Variants in FRMD4B observed in about 807,000 individuals in gnomAD.
FRMD4B encodes the protein FERM domain containing 4B, also known as FERM domain-containing protein 4B.
A neutral mutation model predicts 141.5 loss-of-function variants in FRMD4B; 74 were observed. That is an observed-to-expected ratio of 0.52 (90% CI 0.43 to 0.63). FRMD4B has a LOEUF of 0.63. FRMD4B is among the 30% of genes least tolerant of loss of function. The pLI, the probability that FRMD4B is intolerant of heterozygous loss-of-function variation, is 0.00. For synonymous variants in FRMD4B, 506 were observed against 467.9 expected (o/e 1.08, Z -1.05); for missense variants, 1,366 against 1,253.4 (o/e 1.09, Z -1.36).
intron 1 of FRMD4B, among the ~76,000 whole-genome samples, chr3:69,459,430 A>G (rs1705674098): frequency 6.6e-6 from 1 of 152,238 alleles, no homozygotes; most frequent in South Asian, 2.1e-4. Flanking sequence ...TTTTAAGAAT[A>G]TATAGATATA....
In FRMD4B at chr3:69,170,386, C is replaced by G. The variant is rs1387542596; in HGVS notation, c.*1475G>C. The G allele has an allele frequency of 5.6e-5, 7 of 125,668 alleles. No homozygotes were observed. Among genetic ancestry groups the G allele is most frequent in the Non-Finnish European group, 1.0e-4 (6 of 58,606 alleles). 7.8% of individuals were successfully genotyped at this position (125,668 alleles called of 1,614,324 possible). A position where few individuals can be genotyped will look rare whatever the true frequency, so the allele number is the denominator to read the frequency against. On this transcript the variant is annotated 3_prime_UTR_variant, in exon 23 of 23. Transcript: ENST00000398540. Reference sequence around the variant, plus strand: ...GATTCTAGAAGGCTATACAAATATGCAAAAAAGGAATAAGTTATTTTTTTT... The same window carrying G: ...GATTCTAGAAGGCTATACAAATATGGAAAAAAGGAATAAGTTATTTTTTTT...
chr3:69,364,782 C>A (rs950082394), intron 1 of FRMD4B, among the ~76,000 whole-genome samples: 1 of 151,978 alleles, frequency 6.6e-6, no homozygotes, highest in African/African-American at 2.4e-5. Flanking sequence ...GCCAAAGAAG[C>A]TCAAAAACCC....
intron 7 of FRMD4B, among the ~76,000 whole-genome samples, chr3:69,228,020 T>A (rs2093270714): frequency 6.6e-6 from 1 of 152,228 alleles, no homozygotes; most frequent in African/African-American, 2.4e-5. Context: ...GAAAGAAATA[T>A]ACTTTAGATT....
intron 1 of FRMD4B, among the ~76,000 whole-genome samples, chr3:69,439,409 T>A (rs1705310576): frequency 6.6e-6 from 1 of 152,196 alleles, no homozygotes; most frequent in Non-Finnish European, 1.5e-5. Context: ...TGTGTGGGTA[T>A]ATGCAGGAAT....
Position 69,473,090 on chromosome 3 carries a change from A to G in FRMD4B, c.-128-40329T>C, listed in dbSNP as rs2106952250. On this transcript the variant is annotated intron_variant, in intron 1 of 5. Coordinates refer to the FRMD4B transcript ENST00000459638. Reference sequence around the variant, plus strand: ...CTCCTTATGATTGTAAATTGAAGAGAAAGGATGTTCCCCAAAGGAATGAAG... The same window carrying G: ...CTCCTTATGATTGTAAATTGAAGAGGAAGGATGTTCCCCAAAGGAATGAAG... Among the ~76,000 whole-genome samples, 3 of 152,078 alleles carry G rather than the reference A, an allele frequency of 2.0e-5. No individual in the cohort carries two copies. In the South Asian group the frequency reaches 6.2e-4, roughly 32 times the overall value.
chr3:69,495,639 G>A (rs1048773054), intron 1 of FRMD4B, among the ~76,000 whole-genome samples: 3 of 152,186 alleles, frequency 2.0e-5, no homozygotes, highest in Admixed American at 6.5e-5. Flanking sequence ...TTATTCATCT[G>A]TAAAATGGGC....
At chr3:69,350,488 G>C (rs1428263983) in intron 1 of FRMD4B, among the ~76,000 whole-genome samples, 2 of 152,064 alleles carry the variant, frequency 1.3e-5, no homozygotes, top group Non-Finnish European at 2.9e-5. Flanking sequence ...ATACCCAAAG[G>C]ATTATAAATC....
chr3:69,328,491 A>C (rs1285797746), intron 1 of FRMD4B, among the ~76,000 whole-genome samples: 1 of 152,170 alleles, frequency 6.6e-6, no homozygotes, highest in Non-Finnish European at 1.5e-5. Context: ...GGGTAAAATA[A>C]GGCTGAGACC....
intron 1 of FRMD4B, among the ~76,000 whole-genome samples, chr3:69,479,788 A>G (rs1706085534): frequency 6.6e-6 from 1 of 152,192 alleles, no homozygotes; most frequent in South Asian, 2.1e-4. Context: ...CCTGGATAAT[A>G]TCTTGCAGAT....
chr3:69,514,017 C>T (rs979642555), intron 1 of FRMD4B, among the ~76,000 whole-genome samples: 3 of 152,082 alleles, frequency 2.0e-5, no homozygotes, highest in African/African-American at 7.2e-5. Flanking sequence ...CAGCTTTTGC[C>T]AGTTCTTTTC....
chr3:69,423,085 T>C (rs1459721913), intron 2 of FRMD4B, among the ~76,000 whole-genome samples: 3 of 152,244 alleles, frequency 2.0e-5, no homozygotes, highest in African/African-American at 7.2e-5. Context: ...GTCCTCATTA[T>C]TTACAAAATT....
At chr3:69,248,850 G>A (rs1035489305) in intron 7 of FRMD4B, among the ~76,000 whole-genome samples, 4 of 152,212 alleles carry the variant, frequency 2.6e-5, no homozygotes, top group Non-Finnish European at 5.9e-5. Context: ...AGCAGCTGAT[G>A]GATTTAATCT....
chr3:69,208,704 A>C (rs1244588719), intron 11 of FRMD4B, among the ~76,000 whole-genome samples: 1 of 152,162 alleles, frequency 6.6e-6, no homozygotes, highest in Admixed American at 6.5e-5. Flanking sequence ...GTTTCCATCA[A>C]AGATAATTAC....
intron 1 of FRMD4B, among the ~76,000 whole-genome samples, chr3:69,375,081 C>A (rs1206308832): frequency 1.4e-5 from 2 of 147,618 alleles, no homozygotes; most frequent in East Asian, 4.1e-4. Flanking sequence ...TCCATCCAAC[C>A]AAACACCTAC....
intron 2 of FRMD4B, among the ~76,000 whole-genome samples, chr3:69,397,699 C>T (rs866079406): frequency 6.2e-4 from 94 of 152,080 alleles, no homozygotes; most frequent in African/African-American, 2.2e-3. Context: ...TTAGTAGTTG[C>T]CTAGGGCTGA....
At chr3:69,225,158 C>T (rs1016467715) in intron 7 of FRMD4B, among the ~76,000 whole-genome samples, 1 of 152,154 alleles carries the variant, frequency 6.6e-6, no homozygotes, top group Admixed American at 6.5e-5. Context: ...TCTTCTGTTA[C>T]TTCCTTACAA....
At chr3:69,197,458 T>C (rs1460752252) in intron 12 of FRMD4B, among the ~76,000 whole-genome samples, 1 of 152,110 alleles carries the variant, frequency 6.6e-6, no homozygotes, top group African/African-American at 2.4e-5. Flanking sequence ...TAGGTAGATT[T>C]GGCCGGCTCT....
intron 11 of FRMD4B, among the ~76,000 whole-genome samples, chr3:69,210,965 C>G (rs965061762): frequency 1.4e-4 from 20 of 140,152 alleles, no homozygotes; most frequent in Non-Finnish European, 4.6e-5. Context: ...GTGAGCTGAG[C>G]TGAGCTCGTG....
intron 5 of FRMD4B, among the ~76,000 whole-genome samples, chr3:69,264,184 A>T (rs566022557): frequency 6.6e-6 from 1 of 151,738 alleles, no homozygotes; most frequent in African/African-American, 2.4e-5. Context: ...GTATTTGATG[A>T]CTCTGTTTAC....
Sources: gnomAD v4.1 joint callset for allele counts (sites outside exome capture counted in the v4.1 genomes callset) on GRCh38, gnomAD v4.1.1 for gene constraint, MANE v1.5 for transcripts, NCBI Gene and HGNC (gene_info 2026-07-23, HGNC 2026-07-21) for gene names.